SPAG6: variants seen among roughly 807,000 people sequenced by gnomAD.
The protein encoded by SPAG6 is sperm-associated antigen 6.
In SPAG6, 49 loss-of-function variants were observed where a neutral mutation model predicts 58.5. The ratio of observed to expected loss-of-function variants is 0.84; its 90% confidence interval spans 0.67 to 1.06. SPAG6 has a LOEUF of 1.06. Ranked by LOEUF, SPAG6 falls within the 50% of genes least tolerant of loss-of-function variation. The pLI is 0.00. For synonymous variants in SPAG6, 233 were observed against 225.6 expected (o/e 1.03, Z -0.29); for missense variants, 560 against 611.3 (o/e 0.92, Z 0.89).
intron 3 of SPAG6, among the ~76,000 whole-genome samples, chr10:22,367,497 A>G (rs930756832): frequency 6.6e-6 from 1 of 152,174 alleles, no homozygotes; most frequent in African/African-American, 2.4e-5. Flanking sequence ...ATTATAGTCT[A>G]AGTGAACAGA....
intron 2 of SPAG6, among the ~76,000 whole-genome samples, chr10:22,359,824 CTTTTA>C (rs904408495): frequency 3.2e-4 from 49 of 152,138 alleles, no homozygotes; most frequent in African/African-American, 1.2e-3. Context: ...TTTCATTTAA[CTTTTA>C]TTTTGAGTTC....
In SPAG6 at chr10:22,346,000, T is replaced by C; in HGVS notation, c.121+182T>C. 1 of 1,547,890 alleles carries C rather than the reference T, an allele frequency of 6.5e-7. No individual in the cohort carries two copies. The highest frequency in any genetic ancestry group is 8.7e-7 in the Non-Finnish European group (1 of 1,145,718). On this transcript the variant is annotated intron_variant, in intron 2 of 10. Coordinates refer to ENST00000376624, the MANE Select transcript of SPAG6 (RefSeq NM_012443.4). The surrounding 1 kb of genome is among the most constrained non-coding windows in gnomAD (Gnocchi z 6.3). ...CCGAGAGGGTGAAGCTTCCAGATGG[T>C]TGTGGGAGGTGCGCGTTGTCCCTGT...
intron 2 of SPAG6, among the ~76,000 whole-genome samples, chr10:22,359,739 A>T (rs1836981018): frequency 6.6e-6 from 1 of 152,248 alleles, no homozygotes; most frequent in Non-Finnish European, 1.5e-5. Flanking sequence ...GTTAGAGGTA[A>T]CCAAGGCAAC....
intron 2 of SPAG6, among the ~76,000 whole-genome samples, chr10:22,349,757 C>A (rs1588630945): frequency 6.6e-6 from 1 of 152,104 alleles, no homozygotes. Flanking sequence ...AATAAGTTTG[C>A]GTAACACTTT....
intron 2 of SPAG6, among the ~76,000 whole-genome samples, chr10:22,353,244 C>T (rs909094936): frequency 6.6e-6 from 1 of 152,182 alleles, no homozygotes; most frequent in African/African-American, 2.4e-5. Flanking sequence ...CCTGTTTATT[C>T]TTTGTGCTGC....
intron 3 of SPAG6, among the ~76,000 whole-genome samples, chr10:22,365,566 C>A (rs988328508): frequency 2.6e-5 from 4 of 152,094 alleles, no homozygotes; most frequent in Non-Finnish European, 5.9e-5. Flanking sequence ...GTACCACTTT[C>A]TTTTTCTATA....
In SPAG6 at chr10:22,389,240, G is replaced by C. The variant is rs752518772; in HGVS notation, c.933G>C (p.Leu311=). The change falls in exon 7 of 11, where the codon CTG becomes CTC. Residue 311 remains leucine (L), a synonymous_variant. Coordinates refer to ENST00000376624, the MANE Select transcript of SPAG6 (RefSeq NM_012443.4). ...GGTCCTGCAAAGGGAACACACGGCT[G>C]CCTGGCATCATGATGCTTGGTTATG... is the stretch of plus-strand genomic sequence containing the variant. ...CIGSCKGNTR[L]PGIMMLGYVA... 1.2e-6 allele frequency: 2 copies of C among 1,613,192 alleles called. No individual in the cohort carries two copies. Among genetic ancestry groups the C allele is most frequent in the Non-Finnish European group, 1.7e-6 (2 of 1,179,734 alleles).
At chr10:22,358,330 G>A (rs536837292) in intron 2 of SPAG6, among the ~76,000 whole-genome samples, 2,407 of 151,412 alleles carry the variant, frequency 0.016, 52 homozygotes, top group African/African-American at 0.054. Flanking sequence ...TTTCTCTGAT[G>A]GCCAGTGATG....
intron 2 of SPAG6, among the ~76,000 whole-genome samples, chr10:22,353,407 G>A (rs1288066486): frequency 1.3e-5 from 2 of 152,218 alleles, no homozygotes; most frequent in African/African-American, 2.4e-5. Context: ...TTGTCTATAT[G>A]GTGTGGGGTG....
At chr10:22,401,990 C>G (rs1346446462) in intron 9 of SPAG6, among the ~76,000 whole-genome samples, 1 of 152,006 alleles carries the variant, frequency 6.6e-6, no homozygotes, top group Non-Finnish European at 1.5e-5. Flanking sequence ...AAGTAGTAGC[C>G]CATGGTGGTT....
chr10:22,379,890 G>A (rs904903329), intron 4 of SPAG6, among the ~76,000 whole-genome samples: 2 of 152,108 alleles, frequency 1.3e-5, no homozygotes, highest in African/African-American at 4.8e-5. Flanking sequence ...GACCTCCTGG[G>A]CTCAAGCAAT....
At chr10:22,376,556 TA>T (rs1299246781) in intron 4 of SPAG6, among the ~76,000 whole-genome samples, 2 of 152,236 alleles carry the variant, frequency 1.3e-5, no homozygotes, top group African/African-American at 4.8e-5. Flanking sequence ...AGACATGTGT[TA>T]TTTTTGTTTA....
chr10:22,349,149 A>G (rs1371871445), intron 2 of SPAG6, among the ~76,000 whole-genome samples: 6 of 152,136 alleles, frequency 3.9e-5, no homozygotes. Flanking sequence ...ACGCCTGGGT[A>G]GTAAGTTTGA....
Position 22,345,677 on chromosome 10 carries a change from G to T in SPAG6, c.25+41G>T. On this transcript the variant is annotated intron_variant, in intron 1 of 10. Transcript: ENST00000376624. This position sits in a 1 kb window ranked among gnomAD's most constrained non-coding sequence, Gnocchi z 6.3. Reference sequence around the variant, plus strand: ...GCAGGTGCCCTAACTAGCTGGCGCCGAGGAGACCCGGGTGCGGTGGGCTCC... The same window carrying T: ...GCAGGTGCCCTAACTAGCTGGCGCCTAGGAGACCCGGGTGCGGTGGGCTCC... 6.3e-7 allele frequency: 1 copy of T among 1,583,290 alleles called. No individual in the cohort carries two copies. The highest frequency in any genetic ancestry group is 8.6e-7 in the Non-Finnish European group (1 of 1,165,670).
chr10:22,354,436 G>A (rs113519225), intron 2 of SPAG6, among the ~76,000 whole-genome samples: 30 of 152,302 alleles, frequency 2.0e-4, no homozygotes, highest in African/African-American at 3.1e-4. Context: ...TGGTTGAAGC[G>A]TGTCTGAGAT....
chr10:22,392,719 A>G (rs1476848087), intron 8 of SPAG6, among the ~76,000 whole-genome samples: 2 of 152,132 alleles, frequency 1.3e-5, no homozygotes, highest in Non-Finnish European at 2.9e-5. Flanking sequence ...AACAAATAGG[A>G]AAACAATTTG....
intron 4 of SPAG6, among the ~76,000 whole-genome samples, chr10:22,370,132 G>T (rs552038178): frequency 6.6e-6 from 1 of 152,056 alleles, no homozygotes; most frequent in East Asian, 1.9e-4. Flanking sequence ...ATATAAAATT[G>T]TATATTACAA....
chr10:22,350,582 T>G (rs1372014480), intron 2 of SPAG6, among the ~76,000 whole-genome samples: 1 of 152,232 alleles, frequency 6.6e-6, no homozygotes, highest in Non-Finnish European at 1.5e-5. Flanking sequence ...AATCCTACTT[T>G]ACATTCGAAT....
chr10:22,399,167 T>TA (rs1433749547), intron 8 of SPAG6, among the ~76,000 whole-genome samples: 2 of 152,204 alleles, frequency 1.3e-5, no homozygotes, highest in African/African-American at 4.8e-5. Flanking sequence ...TTACATACCA[T>TA]AAATTCACTC....
Sources: gnomAD v4.1 joint callset for allele counts (sites outside exome capture counted in the v4.1 genomes callset) on GRCh38, gnomAD v4.1.1 for gene constraint, Gnocchi (gnomAD v3.1) non-coding constraint, MANE v1.5 for transcripts, NCBI Gene and HGNC (gene_info 2026-07-23, HGNC 2026-07-21) for gene names.